Variants in ITCH observed in about 807,000 individuals in gnomAD.
ITCH encodes itchy E3 ubiquitin protein ligase.
ITCH carries 28 observed loss-of-function variants against 126.8 expected under a neutral mutation model. The observed-to-expected ratio is 0.22, with a 90% CI of 0.16 to 0.30. The LOEUF is 0.30. Among genes scored for constraint, ITCH ranks in the 10% least tolerant of loss-of-function variants. The pLI is 1.00. For synonymous variants in ITCH, 342 were observed against 340.0 expected (o/e 1.01, Z -0.06); for missense variants, 631 against 1,032.4 (o/e 0.61, Z 5.33).
chr20:34,498,536 T>C (rs1316269100), intron 23 of ITCH, among the ~76,000 whole-genome samples: 1 of 152,228 alleles, frequency 6.6e-6, no homozygotes, highest in Non-Finnish European at 1.5e-5. Context: ...GTTTTTCTTA[T>C]GAAGTGATGT....
intron 3 of ITCH, 119 bp from the exon 4 acceptor site, chr20:34,408,532 T>G: frequency 2.2e-6 from 2 of 916,704 alleles, no homozygotes; most frequent in Non-Finnish European, 3.5e-6. Flanking sequence ...GTAAGTATTT[T>G]AGAGCAAAAC....
intron 12 of ITCH, 22 bp from the exon 13 acceptor site, chr20:34,457,368 C>T: frequency 4.5e-6 from 7 of 1,566,044 alleles, no homozygotes; most frequent in South Asian, 1.1e-5. Context: ...TTTGCTTTCC[C>T]CTGCCCCTGC....
intron 2 of ITCH, among the ~76,000 whole-genome samples, chr20:34,377,334 G>C (rs996207555): frequency 6.6e-6 from 1 of 152,098 alleles, no homozygotes; most frequent in Non-Finnish European, 1.5e-5. Flanking sequence ...AGATTGAACT[G>C]CTGCACTCCA....
intron 1 of ITCH, among the ~76,000 whole-genome samples, chr20:34,366,269 G>A (rs184364785): frequency 4.6e-5 from 7 of 152,230 alleles, no homozygotes; most frequent in Admixed American, 1.3e-4. Context: ...TGTTGAGACT[G>A]GGTCTCACCC....
At chr20:34,430,152 G>A (rs924690921) in intron 7 of ITCH, among the ~76,000 whole-genome samples, 3 of 152,120 alleles carry the variant, frequency 2.0e-5, no homozygotes, top group South Asian at 4.1e-4. Flanking sequence ...GTCCTTAAAC[G>A]TTTATGAGTT....
rs1010369351 is a variant in ITCH at position 34,457,248 on chromosome 20, C to T, written c.1211-142C>T. 7 of 675,902 alleles carry T rather than the reference C, an allele frequency of 1.0e-5. No homozygotes were observed. In the African/African-American group the frequency reaches 1.3e-4, roughly 12 times the overall value. The allele number at this position is 675,902 out of a possible 1,614,324, so 41.9% of individuals were successfully genotyped here. A position where few individuals can be genotyped will look rare whatever the true frequency, so the allele number is the denominator to read the frequency against. On this transcript the variant is annotated intron_variant, in intron 12 of 24. Transcript: ENST00000374864. ...GCATTTAATAGTCAATAAATTAAAC[C>T]TTTTAAAGCTGTGATTTAAAAACTA...
intron 8 of ITCH, 98 bp downstream of exon 8, chr20:34,438,729 C>T (rs763089354): frequency 1.4e-5 from 20 of 1,411,208 alleles, no homozygotes; most frequent in Middle Eastern, 2.4e-4. Flanking sequence ...GAATTTTCTG[C>T]GTGTATTTTT....
intron 13 of ITCH, 92 bp from the exon 14 acceptor site, chr20:34,462,001 T>A: frequency 1.6e-6 from 2 of 1,266,458 alleles, no homozygotes; most frequent in Non-Finnish European, 2.3e-6. Flanking sequence ...CTAAAAGATT[T>A]CTGCTATGTT....
At chr20:34,493,923 G>C (rs1429136655) in intron 23 of ITCH, among the ~76,000 whole-genome samples, 1 of 152,184 alleles carries the variant, frequency 6.6e-6, no homozygotes, top group Non-Finnish European at 1.5e-5. Context: ...TCTGCATGTA[G>C]GGATAAGACA....
chr20:34,490,353 T>C (rs990088439), intron 22 of ITCH, among the ~76,000 whole-genome samples: 1 of 152,192 alleles, frequency 6.6e-6, no homozygotes, highest in African/African-American at 2.4e-5. Context: ...TCAACATCAT[T>C]AGTCATTAGA....
chr20:34,421,862 A>G (rs1028371589), intron 6 of ITCH, among the ~76,000 whole-genome samples: 2 of 152,140 alleles, frequency 1.3e-5, no homozygotes, highest in African/African-American at 4.8e-5. Flanking sequence ...TCTTTAAAAA[A>G]TGTAGCTGAT....
At chr20:34,416,931 C>T (rs1427934447) in intron 6 of ITCH, among the ~76,000 whole-genome samples, 1 of 130,034 alleles carries the variant, frequency 7.7e-6, no homozygotes, top group African/African-American at 3.0e-5. Flanking sequence ...TTTTTTGAGA[C>T]GGAGTCTTGC....
rs1221659622 is a variant in ITCH, at chr20:34,509,191, C to G, written c.*1397C>G. On this transcript the variant is annotated 3_prime_UTR_variant, in exon 25 of 25. Transcript: ENST00000374864. Reference sequence around the variant, plus strand: ...ACTGATTAATGCACTTTGAAGTTCTCTGGAATTAATTATTTTAACTTGGCC... The same window carrying G: ...ACTGATTAATGCACTTTGAAGTTCTGTGGAATTAATTATTTTAACTTGGCC... The G allele has an allele frequency of 6.6e-6, 1 of 152,492 alleles. No individual in the cohort carries two copies. The highest frequency in any genetic ancestry group is 1.5e-5 in the Non-Finnish European group (1 of 68,020). The allele number at this position is 152,492 out of a possible 1,614,324, so 9.4% of individuals were successfully genotyped here. A position where few individuals can be genotyped will look rare whatever the true frequency, so the allele number is the denominator to read the frequency against.
rs137934731 is a variant in ITCH at position 34,419,994 on chromosome 20, G to A, written c.476-4486G>A. On this transcript the variant is annotated intron_variant, in intron 6 of 24. Coordinates refer to ENST00000374864, the MANE Select transcript of ITCH (RefSeq NM_031483.7). ...ATGTTTATTAATAAACAGATTTAAC[G>A]TTTATGTTGGGTGTATGCTTGAGAG... 4.0e-5 allele frequency among the ~76,000 whole-genome samples: 6 copies of A among 151,852 alleles called. No individual in the cohort carries two copies. In the East Asian group the frequency reaches 7.7e-4, roughly 20 times the overall value.
chr20:34,501,059 A>G (rs550074802), intron 23 of ITCH, among the ~76,000 whole-genome samples: 52 of 152,292 alleles, frequency 3.4e-4, no homozygotes, highest in African/African-American at 9.1e-4. Flanking sequence ...TACTTTGAAT[A>G]TTATCTCATT....
chr20:34,422,960 A>G (rs1980983611), intron 6 of ITCH, among the ~76,000 whole-genome samples: 1 of 151,922 alleles, frequency 6.6e-6, no homozygotes, highest in African/African-American at 2.4e-5. Flanking sequence ...ACACTCAGCT[A>G]ATTTTTGTAT....
At chr20:34,473,032 TA>T (rs1987796998) in intron 16 of ITCH, among the ~76,000 whole-genome samples, 1 of 152,188 alleles carries the variant, frequency 6.6e-6, no homozygotes, top group Non-Finnish European at 1.5e-5. Flanking sequence ...TTTTGCAAAA[TA>T]ACTGACTAGA....
chr20:34,474,826 G>A (rs1442306768), intron 16 of ITCH, among the ~76,000 whole-genome samples: 6 of 151,998 alleles, frequency 3.9e-5, no homozygotes, highest in South Asian at 2.1e-4. Context: ...GGACAGGGTG[G>A]CTGCCGGGTG....
intron 3 of ITCH, among the ~76,000 whole-genome samples, chr20:34,404,212 T>C (rs982015631): frequency 1.3e-5 from 2 of 152,020 alleles, no homozygotes; most frequent in Non-Finnish European, 2.9e-5. Context: ...ATGTATAGTT[T>C]TTTATTTTTT....
Sources: gnomAD v4.1 joint callset for allele counts (sites outside exome capture counted in the v4.1 genomes callset) on GRCh38, gnomAD v4.1.1 for gene constraint, MANE v1.5 for transcripts, NCBI Gene and HGNC (gene_info 2026-07-23, HGNC 2026-07-21) for gene names.